The following ANKRD30BL variants were observed in gnomAD, a reference collection of about 807,000 sequenced individuals.
ANKRD30BL encodes the protein ankyrin repeat domain 30B like, also known as putative ankyrin repeat domain-containing protein 30B-like.
ANKRD30BL carries 20 observed loss-of-function variants against 18.4 expected under a neutral mutation model. The observed-to-expected ratio is 1.09, with a 90% CI of 0.77 to 1.58. The LOEUF (loss-of-function observed/expected upper bound fraction) is 1.58. Among genes scored for constraint, ANKRD30BL ranks in the 40% most tolerant of loss-of-function variants. ANKRD30BL has a pLI of 0.00. For synonymous variants in ANKRD30BL, 72 were observed against 100.9 expected, an observed-to-expected ratio of 0.71 and a Z score of 1.72; for missense variants, 224 against 268.6, an observed-to-expected ratio of 0.83 and a Z score of 1.16.
At position 132,216,188 on chromosome 2, in the gene ANKRD30BL, C is replaced by A. The variant is rs373199405; in HGVS notation, n.441+41341G>T. On this transcript the variant is annotated intron_variant and non_coding_transcript_variant, in intron 1 of 4. Coordinates refer to the ANKRD30BL transcript ENST00000470729. ...TATGGTGGAAAAGGAAGTATCTTCA[C>A]TTAAATAGTAGACAGAAGAATTCTG... 2.0e-5 allele frequency among the ~76,000 whole-genome samples: 3 copies of A among 151,776 alleles called. No individual in the cohort carries two copies. In the East Asian group the frequency reaches 5.8e-4, roughly 29 times the overall value.
At chr2:132,193,500 T>C (rs1381289729) in intron 1 of ANKRD30BL, among the ~76,000 whole-genome samples, 1 of 151,848 alleles carries the variant, frequency 6.6e-6, no homozygotes, top group East Asian at 1.9e-4. Context: ...TCCCACATGG[T>C]ATAGCATCTG....
intron 1 of ANKRD30BL, among the ~76,000 whole-genome samples, chr2:132,231,468 G>C (rs543045459): frequency 3.9e-5 from 6 of 152,216 alleles, no homozygotes; most frequent in Non-Finnish European, 7.3e-5. Flanking sequence ...GTGGGCGCAG[G>C]TCAGTGGGTG....
At chr2:132,172,132 A>C (rs1201635343) in intron 1 of ANKRD30BL, among the ~76,000 whole-genome samples, 1 of 152,216 alleles carries the variant, frequency 6.6e-6, no homozygotes, top group East Asian at 1.9e-4. Flanking sequence ...ATTGATGAAC[A>C]TTTGAGTTGC....
intron 1 of ANKRD30BL, among the ~76,000 whole-genome samples, chr2:132,231,770 C>G (rs905375233): frequency 3.9e-5 from 6 of 152,308 alleles, no homozygotes; most frequent in South Asian, 2.1e-4. Context: ...GGAGGGGCAC[C>G]CGCCATTACC....
chr2:132,204,956 C>G (rs1368420149), intron 1 of ANKRD30BL, among the ~76,000 whole-genome samples: 2 of 151,960 alleles, frequency 1.3e-5, no homozygotes, highest in East Asian at 1.9e-4. Flanking sequence ...TAAAGAAAAT[C>G]AAACATCAAA....
chr2:132,252,660 C>T (rs999692227), intron 1 of ANKRD30BL, among the ~76,000 whole-genome samples: 8 of 152,086 alleles, frequency 5.3e-5, no homozygotes, highest in South Asian at 2.1e-4. Context: ...CGGCGAACTG[C>T]GGCGACTGTG....
At chr2:132,175,168 C>CCGG (rs1558919954) in intron 1 of ANKRD30BL, among the ~76,000 whole-genome samples, 5 of 150,926 alleles carry the variant, frequency 3.3e-5, no homozygotes, top group Non-Finnish European at 5.9e-5. Context: ...AGGACGTGCA[C>CCGG]CAGCACCGGA....
intron 1 of ANKRD30BL, among the ~76,000 whole-genome samples, chr2:132,252,735 G>T (rs1680690129): frequency 6.7e-6 from 1 of 149,992 alleles, no homozygotes; most frequent in Non-Finnish European, 1.5e-5. Flanking sequence ...CCCCCAACAA[G>T]CCCCCACCAC....
At position 132,217,159 on chromosome 2, in the gene ANKRD30BL, G is replaced by A. The variant is rs554290920; in HGVS notation, n.441+40370C>T. Among the ~76,000 whole-genome samples the A allele has an allele frequency of 4.0e-3, 614 of 152,206 alleles. 3 individuals are homozygous for A. Among genetic ancestry groups the A allele is most frequent in the African/African-American group, 0.013 (554 of 41,566 alleles). ...GTGATGTCAGCATTCCACTCACAGAGTTGGACACACTTTATCATAGAGCAG... is the reference window on the plus strand; with the variant it reads ...GTGATGTCAGCATTCCACTCACAGAATTGGACACACTTTATCATAGAGCAG... On this transcript the variant is annotated intron_variant and non_coding_transcript_variant, in intron 1 of 4. Coordinates refer to the ANKRD30BL transcript ENST00000470729.
chr2:132,227,497 G>A (rs1283345676), intron 1 of ANKRD30BL, among the ~76,000 whole-genome samples: 1 of 151,638 alleles, frequency 6.6e-6, no homozygotes, highest in African/African-American at 2.4e-5. Context: ...AGTAGAATCT[G>A]CAAGTGGATA....
intron 1 of ANKRD30BL, among the ~76,000 whole-genome samples, chr2:132,198,425 A>C (rs28672274): frequency 1.4e-5 from 2 of 145,914 alleles, no homozygotes; most frequent in African/African-American, 2.5e-5. Context: ...CCGGGTTCAC[A>C]CCATTCTCCT....
intron 1 of ANKRD30BL, 22 bp from the exon 2 acceptor site, chr2:132,157,445 T>C: frequency 1.6e-6 from 1 of 621,108 alleles, no homozygotes; most frequent in Non-Finnish European, 3.0e-6. Flanking sequence ...AGAGGCCTTT[T>C]AAGGAAAGTT....
chr2:132,202,641 A>C (rs1038452427), intron 1 of ANKRD30BL, among the ~76,000 whole-genome samples: 12 of 152,130 alleles, frequency 7.9e-5, no homozygotes, highest in African/African-American at 2.9e-4. Context: ...TGGGTAAAAA[A>C]ATTTTAAAAA....
At chr2:132,187,472 GC>G (rs1283336978) in intron 1 of ANKRD30BL, among the ~76,000 whole-genome samples, 1 of 151,796 alleles carries the variant, frequency 6.6e-6, no homozygotes, top group Non-Finnish European at 1.5e-5. Flanking sequence ...CCGCCACCAC[GC>G]CCGGCTAATT....
chr2:132,217,140 T>C (rs1030592023), intron 1 of ANKRD30BL, among the ~76,000 whole-genome samples: 4 of 152,116 alleles, frequency 2.6e-5, no homozygotes, highest in Non-Finnish European at 5.9e-5. Context: ...CTTTGTGATG[T>C]CAGCATTCCA....
chr2:132,234,582 T>C (rs1472980851), intron 1 of ANKRD30BL, among the ~76,000 whole-genome samples: 2 of 151,894 alleles, frequency 1.3e-5, no homozygotes, highest in Non-Finnish European at 2.9e-5. Context: ...AACTAGAAAA[T>C]CCAGAAGAAA....
At chr2:132,230,706 C>A (rs1443248190) in intron 1 of ANKRD30BL, among the ~76,000 whole-genome samples, 1 of 151,984 alleles carries the variant, frequency 6.6e-6, no homozygotes. Context: ...GCATTAAACT[C>A]ACAGATTTGA....
chr2:132,215,004 A>G lies in ANKRD30BL; in HGVS notation n.441+42525T>C, dbSNP rs559228313. 2.0e-5 allele frequency among the ~76,000 whole-genome samples: 3 copies of G among 152,220 alleles called. No homozygotes were observed. The East Asian group carries it at 5.8e-4, about 29-fold the overall frequency. On this transcript the variant is annotated intron_variant and non_coding_transcript_variant, in intron 1 of 4. Transcript: ENST00000470729. ...GCTGTGTGGCCTATGGTGGAAAAAGAAATATCTTCCCATAAAAACTAGATA... is the reference window on the plus strand; with the variant it reads ...GCTGTGTGGCCTATGGTGGAAAAAGGAATATCTTCCCATAAAAACTAGATA...
At chr2:132,219,358 G>C (rs1289622404) in intron 1 of ANKRD30BL, among the ~76,000 whole-genome samples, 1 of 152,006 alleles carries the variant, frequency 6.6e-6, no homozygotes, top group Admixed American at 6.6e-5. Context: ...ACTTCTTTGT[G>C]CTGTGTGCAT....
Sources: gnomAD v4.1 joint callset for allele counts (sites outside exome capture counted in the v4.1 genomes callset) on GRCh38, gnomAD v4.1.1 for gene constraint, MANE v1.5 for transcripts, NCBI Gene and HGNC (gene_info 2026-07-23, HGNC 2026-07-21) for gene names.